The following CXADR variants were observed in gnomAD, a reference collection of about 807,000 sequenced individuals.
CXADR encodes the protein coxsackievirus and adenovirus receptor.
A neutral mutation model predicts 40.3 loss-of-function variants in CXADR; 20 were observed. The ratio of observed to expected loss-of-function variants is 0.50; its 90% CI spans 0.35 to 0.72. The LOEUF (loss-of-function observed/expected upper bound fraction) is 0.72. Ranked by LOEUF, CXADR falls within the 30% of genes least tolerant of loss-of-function variation. The probability of loss-of-function intolerance (pLI) is 0.01; values close to 1 mark genes in which losing one functional copy is unlikely to be tolerated. For missense variants in CXADR, 332 were observed against 449.1 expected, an observed-to-expected ratio of 0.74 and a Z score of 2.36; for synonymous variants, 150 against 161.3, an observed-to-expected ratio of 0.93 and a Z score of 0.53.
chr21:17,562,142 A>G (rs2776074), intron 6 of CXADR, among the ~76,000 whole-genome samples: 1 of 121,336 alleles, frequency 8.2e-6, no homozygotes, highest in Non-Finnish European at 1.6e-5. Flanking sequence ...AACAGTGTAG[A>G]TACCCCAATT....
In CXADR at chr21:17,561,481, T is replaced by A. The variant is rs2061120021; in HGVS notation, c.833+5T>A. 5.6e-6 allele frequency: 9 copies of A among 1,604,914 alleles called. No individual in the cohort carries two copies. The highest frequency in any genetic ancestry group is 7.7e-6 in the Non-Finnish European group (9 of 1,176,416). On this transcript the variant is annotated splice_donor_5th_base_variant and intron_variant, in intron 6 of 6. Transcript: ENST00000284878. ...GGAAGTTCATCACGATATCAGGTAATTAAGTGAGACAGGAGTTGACTGATG... is the reference window on the plus strand; with the variant it reads ...GGAAGTTCATCACGATATCAGGTAAATAAGTGAGACAGGAGTTGACTGATG...
At chr21:17,535,492 A>G (rs556720445) in intron 1 of CXADR, among the ~76,000 whole-genome samples, 2 of 152,192 alleles carry the variant, frequency 1.3e-5, no homozygotes, top group African/African-American at 4.8e-5. Context: ...GGTGAGCCAT[A>G]TTATTGTGTT....
In CXADR at chr21:17,551,818, ACGAGTAATGAT is replaced by A. The variant is rs1480671790; in HGVS notation, c.282_292del (p.Ser95GlnfsTer4). Reference sequence around the variant, plus strand: ...AGATCTGAAAGGCCGAGTACATTTTACGAGTAATGATCTCAAATCTGGTGATGCATCAATAA... The same window carrying A: ...AGATCTGAAAGGCCGAGTACATTTTACTCAAATCTGGTGATGCATCAATAA... On this transcript the variant is annotated frameshift_variant, in exon 3 of 7. Coordinates refer to ENST00000284878, the MANE Select transcript of CXADR (RefSeq NM_001338.5). LOFTEE classifies it high-confidence loss of function. 6.2e-7 allele frequency: 1 copy of A among 1,613,884 alleles called. No homozygotes were observed. The highest frequency in any genetic ancestry group is 8.5e-7 in the Non-Finnish European group (1 of 1,179,834).
At chr21:17,626,219 A>C in the CXADR span, among the ~76,000 whole-genome samples, 70,105 of 152,022 alleles carry the variant, frequency 0.46, 16,831 homozygotes, top group African/African-American at 0.59. Context: ...TGTTTTAGAT[A>C]TTTGTCAATG....
chr21:17,546,563 AACTC>A (rs1203137384), intron 1 of CXADR, among the ~76,000 whole-genome samples: 2 of 152,128 alleles, frequency 1.3e-5, no homozygotes, highest in South Asian at 2.1e-4. Context: ...ATCTCCTGAG[AACTC>A]ACTCACTATC....
intron 1 of CXADR, among the ~76,000 whole-genome samples, chr21:17,543,568 T>G (rs1664684168): frequency 6.6e-6 from 1 of 152,234 alleles, no homozygotes; most frequent in Non-Finnish European, 1.5e-5. Context: ...TTGAACTATT[T>G]CTTGGTTTGT....
intron 7 of CXADR, among the ~76,000 whole-genome samples, chr21:17,577,109 G>A (rs2123369237): frequency 6.6e-6 from 1 of 152,034 alleles, no homozygotes; most frequent in African/African-American, 2.4e-5. Context: ...TAACGAGAGT[G>A]CCTCTGCACT....
chr21:17,529,979 C>T (rs529288700), intron 1 of CXADR, among the ~76,000 whole-genome samples: 11 of 151,080 alleles, frequency 7.3e-5, no homozygotes, highest in South Asian at 6.3e-4. Context: ...GATGGAGTCT[C>T]GCTCTGTTGC....
At chr21:17,633,639 T>C in the CXADR span, among the ~76,000 whole-genome samples, 3 of 152,226 alleles carry the variant, frequency 2.0e-5, no homozygotes, top group Admixed American at 6.5e-5. Flanking sequence ...TGAGAGACTT[T>C]ATCTGCGTAA....
rs750342327 is a variant in CXADR at position 17,593,123 on chromosome 21, T to A, written c.1018-29T>A. 8 of 1,390,350 alleles carry A rather than the reference T, an allele frequency of 5.8e-6. No homozygotes were observed. The African/African-American group carries it at 1.2e-4, about 21-fold the overall frequency. 86.1% of individuals were successfully genotyped at this position (1,390,350 alleles called of 1,614,324 possible). A position where few individuals can be genotyped will look rare whatever the true frequency, so the allele number is the denominator to read the frequency against. On this transcript the variant is annotated intron_variant, in intron 7 of 7. Transcript: ENST00000400169. The stretch of plus-strand genomic sequence containing the variant: ...CTTTGGAGAAAAATCAAAACTCTTA[T>A]AGAGATATCTCTTTTTTTCTTTTTG...
At chr21:17,604,989 C>T in the CXADR span, 2 of 1,613,552 alleles carry the variant, frequency 1.2e-6, no homozygotes, top group Admixed American at 3.3e-5. Context: ...TTTATTGACA[C>T]GAATACATCT....
intron 1 of CXADR, among the ~76,000 whole-genome samples, chr21:17,540,549 A>G (rs1388777870): frequency 2.0e-5 from 3 of 152,276 alleles, no homozygotes; most frequent in East Asian, 3.9e-4. Context: ...GACTGGTTCT[A>G]CCTGATCTGT....
At chr21:17,575,629 TA>T (rs1290734642) in intron 7 of CXADR, among the ~76,000 whole-genome samples, 1 of 151,778 alleles carries the variant, frequency 6.6e-6, no homozygotes, top group Non-Finnish European at 1.5e-5. Flanking sequence ...TAGCTGGGAC[TA>T]CAGGTGTCCA....
chr21:17,602,511 TC>T, the CXADR span, among the ~76,000 whole-genome samples: 4 of 152,226 alleles, frequency 2.6e-5, no homozygotes, highest in Admixed American at 2.6e-4. Flanking sequence ...TTTCTCAATG[TC>T]TTTTTCTTCT....
the CXADR span, among the ~76,000 whole-genome samples, chr21:17,625,603 G>A: frequency 6.6e-6 from 1 of 152,006 alleles, no homozygotes; most frequent in Non-Finnish European, 1.5e-5. Flanking sequence ...ATCTCTAATT[G>A]CTGATAAACT....
intron 1 of CXADR, among the ~76,000 whole-genome samples, chr21:17,518,198 G>A (rs1170618261): frequency 6.6e-6 from 1 of 151,894 alleles, no homozygotes; most frequent in South Asian, 2.1e-4. Context: ...TTTCCAATTT[G>A]CTCTCCACTG....
rs2061118120 is a variant in CXADR at position 17,561,388 on chromosome 21, G to C, written c.745G>C (p.Ala249Pro). Residue 249 changes from alanine to proline, a missense_variant, in exon 6 of 7, where the codon GCT becomes CCT. Ala to Pro is a conservative substitution (Grantham distance 27). Around this residue, in one of 3 missense-constraint regions of CXADR, gnomAD observed 150 missense variants for 194.2 expected, o/e 0.77. Coordinates refer to ENST00000284878, the MANE Select transcript of CXADR (RefSeq NM_001338.5). Reference protein sequence around the residue: ...IAGAIIGTLLALALIGLIIFC... With the variant: ...IAGAIIGTLLPLALIGLIIFC... ...AGGAGCCATTATAGGAACTTTGCTT[G>C]CTCTAGCGCTCATTGGTCTTATCAT... The C allele has an allele frequency of 6.2e-7, 1 of 1,609,526 alleles. No homozygotes were observed.
intron 1 of CXADR, among the ~76,000 whole-genome samples, chr21:17,542,534 T>C (rs1037337736): frequency 7.9e-5 from 12 of 152,126 alleles, no homozygotes; most frequent in Non-Finnish European, 1.5e-4. Flanking sequence ...ATCCAAGTGA[T>C]TTAGAAACTG....
downstream of CXADR, among the ~76,000 whole-genome samples, chr21:17,595,140 G>T (rs568864735): frequency 2.6e-5 from 4 of 152,070 alleles, no homozygotes; most frequent in South Asian, 8.3e-4. Flanking sequence ...TTTAGTATTT[G>T]GGAATAATAG....
Sources: gnomAD v4.1 joint callset for allele counts (sites outside exome capture counted in the v4.1 genomes callset) on GRCh38, gnomAD v4.1.1 for gene constraint, gnomAD v4.1.1 regional missense constraint, MANE v1.5 for transcripts, NCBI Gene and HGNC (gene_info 2026-07-23, HGNC 2026-07-21) for gene names.